TUB: variants seen among roughly 807,000 people sequenced by gnomAD.
The protein encoded by TUB is tubby protein homolog.
Under a neutral mutation model 59.7 loss-of-function variants are expected in TUB, and 33 were observed. That is an observed-to-expected ratio of 0.55 (90% confidence interval 0.42 to 0.74). The LOEUF (loss-of-function observed/expected upper bound fraction) is 0.74, where lower values mean the gene tolerates loss of function less well. Among genes scored for constraint, TUB ranks in the 30% least tolerant of loss-of-function variants. TUB has a pLI of 0.00. For missense variants in TUB, 659 were observed against 672.0 expected (o/e 0.98, Z 0.21); for synonymous variants, 293 against 256.4 (o/e 1.14, Z -1.36).
At chr11:8,026,220 A>G (rs907924685) in intron 1 of TUB, among the ~76,000 whole-genome samples, 6 of 152,164 alleles carry the variant, frequency 3.9e-5, no homozygotes, top group African/African-American at 1.2e-4. Flanking sequence ...TATCAGATAT[A>G]TGACTTGCAA....
chr11:8,101,326 C>T (rs1944292050), intron 11 of TUB, among the ~76,000 whole-genome samples, 160 bp from the exon 12 acceptor site: 1 of 152,230 alleles, frequency 6.6e-6, no homozygotes, highest in Admixed American at 6.5e-5. Flanking sequence ...CCTGCCACTT[C>T]TCCCAATTGG....
intron 2 of TUB, among the ~76,000 whole-genome samples, chr11:8,052,008 G>A (rs188799572): frequency 6.6e-6 from 1 of 152,150 alleles, no homozygotes; most frequent in Non-Finnish European, 1.5e-5. Context: ...TACTATTTCT[G>A]TACTGCATTG....
chr11:8,051,820 A>G lies in TUB; in HGVS notation c.203+12128A>G, dbSNP rs1375367424. Among the ~76,000 whole-genome samples the G allele has an allele frequency of 2.0e-5, 3 of 152,228 alleles. No individual in the cohort carries two copies. In the East Asian group the frequency reaches 5.8e-4, roughly 29 times the overall value. ...TCTACTTAACAGTTTTCTTTTTTGT[A>G]ATAAACCTTTAATCCTCTGTTATTT... On this transcript the variant is annotated intron_variant, in intron 2 of 12. Transcript: ENST00000305253.
At chr11:8,061,801 C>T (rs1323260457) in intron 2 of TUB, among the ~76,000 whole-genome samples, 3 of 152,122 alleles carry the variant, frequency 2.0e-5, no homozygotes, top group African/African-American at 7.2e-5. Context: ...TTTTGGGGAA[C>T]TCCAAGGTCC....
chr11:8,025,445 C>A (rs1228646361), intron 1 of TUB, among the ~76,000 whole-genome samples: 1 of 152,132 alleles, frequency 6.6e-6, no homozygotes, highest in Non-Finnish European at 1.5e-5. Flanking sequence ...AGCATGGAAA[C>A]CTGTGTGTCC....
Position 8,101,743 on chromosome 11 carries a change from GGGCTCCCTGGCCCAGCCAGCCAGGAACT to G in TUB, c.*131_*158del. 6.9e-7 allele frequency: 1 copy of G among 1,448,912 alleles called. No homozygotes were observed. The highest frequency in any genetic ancestry group is 1.5e-5 in the South Asian group (1 of 68,854). 89.8% of individuals were successfully genotyped at this position (1,448,912 alleles called of 1,614,324 possible). A position where few individuals can be genotyped will look rare whatever the true frequency, so the allele number is the denominator to read the frequency against. On this transcript the variant is annotated 3_prime_UTR_variant, in exon 12 of 12. Coordinates refer to ENST00000299506, the MANE Select transcript of TUB (RefSeq NM_177972.3). ...GCCAGATGAAGCTTTGGCCCTCAGT[GGGCTCCCTGGCCCAGCCAGCCAGGAACT>G]GGCTCCTTTGCCTCTGCTACTGAGG...
chr11:8,034,329 C>T (rs1411294613), upstream of TUB, among the ~76,000 whole-genome samples: 1 of 152,144 alleles, frequency 6.6e-6, no homozygotes, highest in Middle Eastern at 3.2e-3. Context: ...TGAAGATTGA[C>T]AATGATGGGT....
At chr11:8,057,109 TG>T (rs1284459724) in intron 2 of TUB, among the ~76,000 whole-genome samples, 2 of 152,020 alleles carry the variant, frequency 1.3e-5, no homozygotes, top group Non-Finnish European at 2.9e-5. Flanking sequence ...ACTGGCCCTC[TG>T]GGTAATGGCA....
chr11:8,037,081 A>G (rs1352335821), upstream of TUB, among the ~76,000 whole-genome samples: 1 of 152,166 alleles, frequency 6.6e-6, no homozygotes, highest in Non-Finnish European at 1.5e-5. Flanking sequence ...GACACCTGAA[A>G]GAGAGTTTCT....
intron 2 of TUB, among the ~76,000 whole-genome samples, chr11:8,048,306 A>T (rs1161542727): frequency 2.6e-5 from 4 of 152,242 alleles, no homozygotes; most frequent in Non-Finnish European, 5.9e-5. Context: ...CAAAGACTTC[A>T]TGAATGAATG....
chr11:8,032,694 C>T (rs1231123511), intron 1 of TUB, among the ~76,000 whole-genome samples: 1 of 47,134 alleles, frequency 2.1e-5, no homozygotes, highest in South Asian at 1.1e-3. Flanking sequence ...TCCCGCACAT[C>T]TGGCTCACGC....
chr11:8,054,697 G>C (rs1942989708), intron 2 of TUB, among the ~76,000 whole-genome samples: 1 of 152,210 alleles, frequency 6.6e-6, no homozygotes. Flanking sequence ...ATGCACACAT[G>C]GTCTCTGCAG....
intron 1 of TUB, chr11:8,019,425 G>A: frequency 8.2e-7 from 1 of 1,223,204 alleles, no homozygotes; most frequent in Non-Finnish European, 1.0e-6. Flanking sequence ...GGGAGAAGCG[G>A]GCCTCCGGGG....
chr11:8,100,741 ACCC>A, intron 10 of TUB, 82 bp from the exon 11 acceptor site: 2 of 1,575,560 alleles, frequency 1.3e-6, no homozygotes, highest in Non-Finnish European at 1.7e-6. Flanking sequence ...AAATCCAAGG[ACCC>A]CCATTCCCGG....
intron 1 of TUB, among the ~76,000 whole-genome samples, chr11:8,029,854 C>T (rs751144379): frequency 7.9e-5 from 12 of 152,110 alleles, no homozygotes; most frequent in Non-Finnish European, 1.0e-4. Context: ...CCAGAGGAGT[C>T]GGGTGGCTAC....
At chr11:8,075,445 A>G (rs1564911714) in intron 2 of TUB, 1 of 152,242 alleles carries the variant, frequency 6.6e-6, no homozygotes, top group Non-Finnish European at 1.5e-5. Flanking sequence ...AATGGGGATT[A>G]TAATAGTACC....
chr11:8,044,047 T>C (rs1942792505), intron 2 of TUB, among the ~76,000 whole-genome samples: 1 of 152,074 alleles, frequency 6.6e-6, no homozygotes, highest in Non-Finnish European at 1.5e-5. Flanking sequence ...ATTGATTATG[T>C]GATGTCTTGG....
At chr11:8,073,716 A>G (rs1943396742) in intron 2 of TUB, among the ~76,000 whole-genome samples, 1 of 151,880 alleles carries the variant, frequency 6.6e-6, no homozygotes, top group Non-Finnish European at 1.5e-5. Context: ...CCTCAGAACC[A>G]CTCTTTCTAT....
At chr11:8,101,348 CTT>C in intron 11 of TUB, 136 bp from the exon 12 acceptor site, 1 of 1,190,860 alleles carries the variant, frequency 8.4e-7, no homozygotes, top group Non-Finnish European at 1.2e-6. Context: ...CTTTGTTTTA[CTT>C]CCCTTTGTGA....
Sources: allele counts gnomAD v4.1 joint callset (sites outside exome capture counted in the v4.1 genomes callset), GRCh38; gene constraint gnomAD v4.1.1; transcripts MANE v1.5; gene names NCBI Gene and HGNC (gene_info 2026-07-23, HGNC 2026-07-21).